PARP1: variants seen among roughly 807,000 people sequenced by gnomAD.
The protein encoded by PARP1 is poly [ADP-ribose] polymerase 1.
A neutral mutation model predicts 118.7 loss-of-function variants in PARP1; 44 were observed. The ratio of observed to expected loss-of-function variants is 0.37; its 90% CI spans 0.29 to 0.48. The LOEUF (loss-of-function observed/expected upper bound fraction) is 0.48. Among genes scored for constraint, PARP1 ranks in the 20% least tolerant of loss-of-function variants. The pLI is 0.99. For synonymous variants in PARP1, 492 were observed against 483.2 expected, an observed-to-expected ratio of 1.02 and a Z score of -0.24; for missense variants, 1,100 against 1,272.4, an observed-to-expected ratio of 0.86 and a Z score of 2.06.
chr1:226,363,982 A>C lies in PARP1; in HGVS notation c.2747T>G (p.Ile916Arg). 1 of 1,613,792 alleles carries C rather than the reference A, an allele frequency of 6.2e-7. No homozygotes were observed. Among genetic ancestry groups the C allele is most frequent in the African/African-American group, 1.3e-5 (1 of 75,048 alleles). Residue 916 changes from isoleucine to arginine, a missense_variant, in exon 20 of 23, where the codon ATA becomes AGA. Physicochemically the swap from Ile to Arg is moderately conservative, Grantham distance 97 (BLOSUM62 -3). Around this residue, in one of 2 missense-constraint regions of PARP1, gnomAD observed 152 missense variants for 240.6 expected, o/e 0.63. Coordinates refer to ENST00000366794, the MANE Select transcript of PARP1 (RefSeq NM_001618.4). The part of the protein sequence containing the change: ...NYCHTSQGDP[I>R]GLILLGEVAL... ...AACTTCTCCCAACAGGATTAAGCCT[A>C]TTGGGTCTCCCTGAGACGTATGGCA...
intron 2 of PARP1, among the ~76,000 whole-genome samples, chr1:226,395,197 CTGT>C (rs959482481): frequency 6.6e-6 from 1 of 151,736 alleles, no homozygotes; most frequent in African/African-American, 2.4e-5. Context: ...AATGGAAGAG[CTGT>C]TATAGAAAAC....
chr1:226,374,319 A>G lies in PARP1; in HGVS notation c.1977T>C (p.Pro659=). Residue 659 remains proline (P), a synonymous_variant, in exon 14 of 23, where the codon CCT becomes CCC. Transcript: ENST00000366794. ...EEAVKKLTVN[P]GTKSKLPKPV... ...GCTTGGGGAGCTTGGACTTGGTGCC[A>G]GGATTTACTGTCAGCTTCTTCACTG... The G allele has an allele frequency of 6.2e-7, 1 of 1,614,232 alleles. No homozygotes were observed. The highest frequency in any genetic ancestry group is 8.5e-7 in the Non-Finnish European group (1 of 1,180,034).
At chr1:226,385,368 A>C (rs1267233423) in intron 7 of PARP1, 136 bp downstream of exon 7, 1 of 754,730 alleles carries the variant, frequency 1.3e-6, no homozygotes, top group Non-Finnish European at 2.4e-6. Flanking sequence ...ATATTCTGGT[A>C]AACAGGATGA....
intron 22 of PARP1, 191 bp downstream of exon 22, chr1:226,361,778 G>C: frequency 1.5e-6 from 1 of 665,636 alleles, no homozygotes; most frequent in Non-Finnish European, 2.7e-6. Flanking sequence ...TCTGGAAACT[G>C]GGGGAAGGCT....
At chr1:226,400,136 C>T (rs1006327303) in intron 2 of PARP1, among the ~76,000 whole-genome samples, 1 of 151,932 alleles carries the variant, frequency 6.6e-6, no homozygotes, top group African/African-American at 2.4e-5. Flanking sequence ...GATGAATAAG[C>T]CAATAAACAA....
In PARP1 at chr1:226,361,242, A is replaced by T. The variant is rs1049206916; in HGVS notation, c.*218T>A. The T allele has an allele frequency of 3.3e-6, 2 of 604,084 alleles. No homozygotes were observed. Among genetic ancestry groups the T allele is most frequent in the Middle Eastern group, 4.5e-4 (1 of 2,224 alleles). 37.4% of individuals were successfully genotyped at this position (604,084 alleles called of 1,614,324 possible). On this transcript the variant is annotated 3_prime_UTR_variant, in exon 23 of 23. Coordinates refer to ENST00000366794, the MANE Select transcript of PARP1 (RefSeq NM_001618.4). ...TTATCTACCTGGCAAGAAAAAACAAAAACAACCCCAAAACAACCCCTCCCC... is the reference window on the plus strand; with the variant it reads ...TTATCTACCTGGCAAGAAAAAACAATAACAACCCCAAAACAACCCCTCCCC...
chr1:226,392,638 A>T (rs1664841433), intron 2 of PARP1: 6 of 538,392 alleles, frequency 1.1e-5, no homozygotes, highest in Non-Finnish European at 2.0e-5. Flanking sequence ...TTAGGTGCTT[A>T]CCTTAAAAGC....
chr1:226,362,131 G>A, intron 21 of PARP1, 48 bp from the exon 22 acceptor site: 1 of 1,040,244 alleles, frequency 9.6e-7, no homozygotes, highest in Non-Finnish European at 1.5e-6. Flanking sequence ...TACAGATGTG[G>A]CAAAGCTTCC....
chr1:226,377,795 A>G lies in PARP1; in HGVS notation c.1746-492T>C, dbSNP rs1055286539. Among the ~76,000 whole-genome samples, 10 of 152,316 alleles carry G rather than the reference A, an allele frequency of 6.6e-5. No homozygotes were observed. In the South Asian group the frequency reaches 1.9e-3, roughly 28 times the overall value. ...TAGAGATGCAGGCTGTCATGTTCAA[A>G]TTCCATCTCAATTGAGGGTACACAT... is the stretch of plus-strand genomic sequence containing the variant. On this transcript the variant is annotated intron_variant, in intron 12 of 22. Transcript: ENST00000366794.
At chr1:226,380,243 T>C (rs2102735779) in intron 9 of PARP1, 79 bp from the exon 10 acceptor site, 3 of 1,376,848 alleles carry the variant, frequency 2.2e-6, no homozygotes, top group Middle Eastern at 4.5e-4. Context: ...CAGTTATATT[T>C]AGTGTGTACT....
At chr1:226,364,125 G>A (rs933756716) in intron 19 of PARP1, 55 bp from the exon 20 acceptor site, 1 of 1,594,576 alleles carries the variant, frequency 6.3e-7, no homozygotes, top group Non-Finnish European at 8.6e-7. Flanking sequence ...ATTAGGAGCA[G>A]CTGTTCACTG....
At chr1:226,382,069 T>C (rs1010456141) in intron 8 of PARP1, among the ~76,000 whole-genome samples, 1 of 152,198 alleles carries the variant, frequency 6.6e-6, no homozygotes, top group African/African-American at 2.4e-5. Context: ...GGACTCGGGA[T>C]GACCACCAGC....
chr1:226,392,264 A>G lies in PARP1; in HGVS notation c.337T>C (p.Phe113Leu). Residue 113 changes from phenylalanine (F) to leucine (L), a missense_variant, in exon 3 of 23, where the codon TTT (phenylalanine) becomes CTT (leucine). Coordinates refer to ENST00000366794, the MANE Select transcript of PARP1 (RefSeq NM_001618.4). ...GSKAEKTLGDFAAEYAKSNRS... is the reference protein window; with the variant it reads ...GSKAEKTLGDLAAEYAKSNRS... ...TTGGACTTGGCATACTCTGCTGCAAAGTCACCCAGAGTCTTCTCTGCCTTG... is the reference window on the plus strand; with the variant it reads ...TTGGACTTGGCATACTCTGCTGCAAGGTCACCCAGAGTCTTCTCTGCCTTG... The G allele has an allele frequency of 6.2e-7, 1 of 1,614,106 alleles. No individual in the cohort carries two copies. Among genetic ancestry groups the G allele is most frequent in the Non-Finnish European group, 8.5e-7 (1 of 1,180,002 alleles).
intron 14 of PARP1, among the ~76,000 whole-genome samples, chr1:226,372,914 A>T (rs977191332): frequency 1.3e-5 from 2 of 152,178 alleles, no homozygotes; most frequent in South Asian, 4.1e-4. Context: ...GAGCCCACCC[A>T]TAAGTTGTTC....
intron 8 of PARP1, among the ~76,000 whole-genome samples, chr1:226,382,657 C>A (rs1232563052): frequency 6.6e-6 from 1 of 152,196 alleles, no homozygotes; most frequent in Non-Finnish European, 1.5e-5. Flanking sequence ...TCCTGAGTAT[C>A]TAGGGCTAAA....
chr1:226,364,655 C>T (rs1664216340), intron 19 of PARP1, among the ~76,000 whole-genome samples: 1 of 152,106 alleles, frequency 6.6e-6, no homozygotes, highest in Admixed American at 6.5e-5. Context: ...TTCATCGCTA[C>T]GTTTTCCTGC....
In PARP1 at chr1:226,398,539, A is replaced by T. The variant is rs551491560; in HGVS notation, c.286+3675T>A. On this transcript the variant is annotated intron_variant, in intron 2 of 22. Transcript: ENST00000366794. The stretch of plus-strand genomic sequence containing the variant: ...AGCAAGACAGTCTTAAAAAAAAAAA[A>T]AAAAAGTGGGGGTAGGGGCAGGCAA... Among the ~76,000 whole-genome samples, 3 of 152,180 alleles carry T rather than the reference A, an allele frequency of 2.0e-5. No individual in the cohort carries two copies. The South Asian group carries it at 6.2e-4, about 32-fold the overall frequency.
chr1:226,393,467 C>T (rs557738955), intron 2 of PARP1, among the ~76,000 whole-genome samples: 2 of 152,196 alleles, frequency 1.3e-5, no homozygotes, highest in Admixed American at 1.3e-4. Context: ...GGCAACAACC[C>T]CAAAGTCACC....
rs1664152245 is a variant in PARP1, at chr1:226,362,059, G to A, written c.2873C>T (p.Pro958Leu). 6.2e-7 allele frequency: 1 copy of A among 1,613,410 alleles called. No individual in the cohort carries two copies. The highest frequency in any genetic ancestry group is 1.1e-5 in the South Asian group (1 of 91,066). Residue 958 changes from proline to leucine, a missense_variant, in exon 22 of 23, where the codon CCT (proline) becomes CTT (leucine). Coordinates refer to ENST00000366794, the MANE Select transcript of PARP1 (RefSeq NM_001618.4). The part of the protein sequence containing the change: ...VKGLGKTTPD[P>L]SANISLDGVD... ...ACCATCCAGACTAATGTTAGCTGAA[G>A]GATCAGGGGTAGTTTTGCCCAAACC...
Sources: allele counts gnomAD v4.1 joint callset (sites outside exome capture counted in the v4.1 genomes callset), GRCh38; gene constraint gnomAD v4.1.1; regional missense constraint gnomAD v4.1.1; transcripts MANE v1.5; gene names NCBI Gene and HGNC (gene_info 2026-07-23, HGNC 2026-07-21).